The following CLOCK variants were observed in gnomAD, a reference collection of about 807,000 sequenced individuals.
The protein encoded by CLOCK is circadian locomoter output cycles protein kaput.
In CLOCK, 43 loss-of-function variants were observed where a neutral mutation model predicts 118.4. The ratio of observed to expected loss-of-function variants is 0.36; its 90% CI spans 0.28 to 0.47. The LOEUF is 0.47. Ranked by LOEUF, CLOCK falls within the 20% of genes least tolerant of loss-of-function variation. The probability of loss-of-function intolerance (pLI) is 1.00; values close to 1 mark genes in which losing one functional copy is unlikely to be tolerated. For synonymous variants in CLOCK, 326 were observed against 339.2 expected (o/e 0.96, Z 0.43); for missense variants, 846 against 999.9 (o/e 0.85, Z 2.08).
chr4:55,461,236 C>G (rs761514589), intron 9 of CLOCK, among the ~76,000 whole-genome samples: 87 of 152,276 alleles, frequency 5.7e-4, no homozygotes, highest in Admixed American at 3.3e-3. Flanking sequence ...CCCATCCTTA[C>G]TTTTATTGCT....
chr4:55,497,855 A>G (rs1176282992), intron 2 of CLOCK, among the ~76,000 whole-genome samples: 1 of 152,192 alleles, frequency 6.6e-6, no homozygotes, highest in Admixed American at 6.5e-5. Flanking sequence ...TGTAATTTAT[A>G]TGCACTAAAC....
intron 12 of CLOCK, 51 bp from the exon 13 acceptor site, chr4:55,456,054 A>G (rs755377154): frequency 1.4e-6 from 2 of 1,424,766 alleles, no homozygotes; most frequent in South Asian, 2.3e-5. Flanking sequence ...ATAATAAGAA[A>G]TATTTCAACT....
intron 4 of CLOCK, among the ~76,000 whole-genome samples, 169 bp downstream of exon 4, chr4:55,482,570 T>A (rs1273094534): frequency 6.6e-6 from 1 of 152,198 alleles, no homozygotes; most frequent in African/African-American, 2.4e-5. Flanking sequence ...AAAATACTGA[T>A]ATACCTTACT....
chr4:55,443,951 A>G lies in CLOCK; in HGVS notation c.1693-55T>C, dbSNP rs572703843. The G allele has an allele frequency of 3.8e-5, 57 of 1,513,170 alleles. No homozygotes were observed. In the South Asian group the frequency reaches 6.7e-4, roughly 18 times the overall value. The allele number at this position is 1,513,170 out of a possible 1,614,324, so 93.7% of individuals were successfully genotyped here. ...GCTTTGTAGATTGAAAAGAAGAATG[A>G]GCATTAAAAAGAAGGCAAAATCAAG... On this transcript the variant is annotated intron_variant, in intron 19 of 22. Transcript: ENST00000513440.
intron 20 of CLOCK, 24 bp from the exon 21 acceptor site, chr4:55,442,658 T>C (rs755218862): frequency 3.2e-6 from 5 of 1,572,070 alleles, no homozygotes; most frequent in Admixed American, 3.4e-5. Context: ...AGAGATTTTA[T>C]AGACAGATTA....
intron 2 of CLOCK, among the ~76,000 whole-genome samples, chr4:55,498,603 C>CTTCTTA (rs147163251): frequency 0.033 from 4,946 of 148,648 alleles, 96 homozygotes; most frequent in Non-Finnish European, 0.053. Flanking sequence ...TATCTAGTTC[C>CTTCTTA]TTATTATTAT....
At position 55,450,093 on chromosome 4, in the gene CLOCK, G is replaced by C; in HGVS notation, c.1346C>G (p.Ser449Cys). The C allele has an allele frequency of 6.2e-7, 1 of 1,614,110 alleles. No homozygotes were observed. The highest frequency in any genetic ancestry group is 8.5e-7 in the Non-Finnish European group (1 of 1,179,990). ...TGCTTTGAAGCAAGGGTACTCACAG[G>C]AAGGGTCTGAGACGGCCGTGTGAGA... ...KSSHTAVSDP[S>C]STPTKIPTDT... The change falls in exon 16 of 23, where the codon TCC (serine) becomes TGC (cysteine). Residue 449 changes from serine to cysteine, a missense_variant and splice_region_variant. Physicochemically the swap from Ser to Cys is moderately radical, Grantham distance 112. Transcript: ENST00000513440.
At chr4:55,540,732 A>C (rs1298267291) in intron 1 of CLOCK, 1 of 152,156 alleles carries the variant, frequency 6.6e-6, no homozygotes, top group Non-Finnish European at 1.5e-5. Flanking sequence ...ACGCACGTGG[A>C]GTGGAGAGGG....
chr4:55,485,542 G>T (rs1007455837), intron 3 of CLOCK, among the ~76,000 whole-genome samples: 1 of 152,114 alleles, frequency 6.6e-6, no homozygotes, highest in East Asian at 1.9e-4. Context: ...TGTCCATGCT[G>T]TGGAGTCTAA....
chr4:55,532,977 C>T (rs1387078183), intron 1 of CLOCK, among the ~76,000 whole-genome samples: 5 of 152,044 alleles, frequency 3.3e-5, no homozygotes, highest in African/African-American at 7.2e-5. Context: ...AGAGAGAATA[C>T]AAATAAATGG....
In CLOCK at chr4:55,434,327, T is replaced by C. The variant is rs1036402951; in HGVS notation, c.*1088A>G. On this transcript the variant is annotated 3_prime_UTR_variant, in exon 23 of 23. Transcript: ENST00000513440. ...ATCCCAAAAGTTAAAATTCCCATGA[T>C]TGAGAATGTTAAAAAGTGCCTAAGA... is the stretch of plus-strand genomic sequence containing the variant. 1 of 152,574 alleles carries C rather than the reference T, an allele frequency of 6.6e-6. No individual in the cohort carries two copies. Among genetic ancestry groups the C allele is most frequent in the Admixed American group, 6.5e-5 (1 of 15,274 alleles). 9.5% of individuals were successfully genotyped at this position (152,574 alleles called of 1,614,324 possible). A position where few individuals can be genotyped will look rare whatever the true frequency, so the allele number is the denominator to read the frequency against.
intron 1 of CLOCK, among the ~76,000 whole-genome samples, chr4:55,541,950 C>CA (rs55793804): frequency 0.02 from 2,759 of 136,944 alleles, 54 homozygotes; most frequent in African/African-American, 0.052. Context: ...CTCCCCCCAC[C>CA]AAAAAAAAAA....
Position 55,433,999 on chromosome 4 carries a change from T to C in CLOCK, c.*1416A>G, listed in dbSNP as rs886966523. On this transcript the variant is annotated 3_prime_UTR_variant, in exon 23 of 23. Coordinates refer to ENST00000513440, the MANE Select transcript of CLOCK (RefSeq NM_004898.4). ...AATTTTAGGATCACATTAATAACTA[T>C]GATAGTGTTAGGTTATCATCTTTTA... 26 of 152,710 alleles carry C rather than the reference T, an allele frequency of 1.7e-4. No homozygotes were observed. The highest frequency in any genetic ancestry group is 6.3e-4 in the African/African-American group (26 of 41,580). The allele number at this position is 152,710 out of a possible 1,614,324, so 9.5% of individuals were successfully genotyped here. A position where few individuals can be genotyped will look rare whatever the true frequency, so the allele number is the denominator to read the frequency against.
chr4:55,486,528 G>C (rs1239873195), intron 3 of CLOCK: 1 of 151,928 alleles, frequency 6.6e-6, no homozygotes, highest in Non-Finnish European at 1.5e-5. Context: ...TATTTTTGTT[G>C]AGTAATTCCT....
intron 9 of CLOCK, 56 bp from the exon 10 acceptor site, chr4:55,459,317 T>C: frequency 1.0e-6 from 1 of 985,962 alleles, no homozygotes; most frequent in East Asian, 2.4e-5. Flanking sequence ...CAATGATTGA[T>C]ATACCACATA....
At chr4:55,498,196 A>G (rs1728207524) in intron 2 of CLOCK, among the ~76,000 whole-genome samples, 1 of 152,170 alleles carries the variant, frequency 6.6e-6, no homozygotes, top group African/African-American at 2.4e-5. Flanking sequence ...GAGCCACTTA[A>G]AACACCACCA....
chr4:55,514,725 T>C (rs942199930), intron 1 of CLOCK, among the ~76,000 whole-genome samples: 3 of 152,214 alleles, frequency 2.0e-5, no homozygotes, highest in African/African-American at 7.2e-5. Context: ...ATGCCTTGGA[T>C]AAATCCCACT....
chr4:55,438,649 G>C, intron 21 of CLOCK, 112 bp from the exon 22 acceptor site: 2 of 1,493,842 alleles, frequency 1.3e-6, no homozygotes, highest in South Asian at 2.4e-5. Flanking sequence ...TTGCCAGTTT[G>C]TTTTTCAAGG....
chr4:55,448,728 A>C (rs1724156620), intron 18 of CLOCK, 51 bp downstream of exon 18: 3 of 1,473,850 alleles, frequency 2.0e-6, no homozygotes, highest in Non-Finnish European at 2.8e-6. Context: ...ATTAGCTTAA[A>C]AGCAATTTAT....
Sources: allele counts gnomAD v4.1 joint callset (sites outside exome capture counted in the v4.1 genomes callset), GRCh38; gene constraint gnomAD v4.1.1; transcripts MANE v1.5; gene names NCBI Gene and HGNC (gene_info 2026-07-23, HGNC 2026-07-21).